CTNNA3: variants seen among roughly 807,000 people sequenced by gnomAD.
CTNNA3 encodes the protein catenin alpha-3.
A neutral mutation model predicts 95.7 loss-of-function variants in CTNNA3; 76 were observed. That is an observed-to-expected ratio of 0.79 (90% CI 0.66 to 0.96). The LOEUF (loss-of-function observed/expected upper bound fraction) is 0.96. Ranked by LOEUF, CTNNA3 falls within the 40% of genes least tolerant of loss-of-function variation. CTNNA3 has a pLI of 0.00. For synonymous variants in CTNNA3, 431 were observed against 374.4 expected (o/e 1.15, Z -1.74); for missense variants, 1,191 against 1,089.8 (o/e 1.09, Z -1.31).
intron 5 of CTNNA3, among the ~76,000 whole-genome samples, chr10:67,333,707 G>A (rs1841882928): frequency 6.6e-6 from 1 of 152,106 alleles, no homozygotes; most frequent in Non-Finnish European, 1.5e-5. Flanking sequence ...ACTAAAATCT[G>A]GGAACATCAG....
At chr10:67,558,255 C>T (rs1258335669) in intron 3 of CTNNA3, among the ~76,000 whole-genome samples, 3 of 152,126 alleles carry the variant, frequency 2.0e-5, no homozygotes, top group South Asian at 4.2e-4. Context: ...AAATATACTC[C>T]ACTAGAAAGG....
chr10:67,698,042 A>T (rs1475327185), upstream of CTNNA3, among the ~76,000 whole-genome samples: 3 of 152,202 alleles, frequency 2.0e-5, no homozygotes, highest in African/African-American at 7.2e-5. Context: ...CCTGTAAACT[A>T]CACAGCCCCT....
In CTNNA3 at chr10:67,180,365, G is replaced by A. The variant is rs146754105; in HGVS notation, c.999C>T (p.Asn333=). The change falls in exon 7 of 18, where the codon AAC becomes AAT. Residue 333 remains asparagine, a synonymous_variant. Coordinates refer to ENST00000433211, the MANE Select transcript of CTNNA3 (RefSeq NM_013266.4). ...LHRERIIAEC[N]AIRQALQDLL... ...GATCCTGAAGAGCCTGGCGAATGGC[G>A]TTGCATTCTGCGATAATCCGCTCTC... The A allele has an allele frequency of 2.8e-5, 45 of 1,613,628 alleles. No individual in the cohort carries two copies. Among genetic ancestry groups the A allele is most frequent in the East Asian group, 2.2e-4 (10 of 44,854 alleles).
At chr10:67,337,231 G>C (rs955852931) in intron 5 of CTNNA3, among the ~76,000 whole-genome samples, 1 of 152,096 alleles carries the variant, frequency 6.6e-6, no homozygotes, top group East Asian at 1.9e-4. Flanking sequence ...CAGGAGTTTG[G>C]AAGAAGTCAA....
At chr10:66,114,688 G>A (rs531468630) in intron 13 of CTNNA3, among the ~76,000 whole-genome samples, 17 of 151,664 alleles carry the variant, frequency 1.1e-4, no homozygotes, top group Non-Finnish European at 1.8e-4. Context: ...AGACCATCCT[G>A]GCCACCATGG....
intron 5 of CTNNA3, among the ~76,000 whole-genome samples, chr10:67,285,066 A>T (rs1006505151): frequency 2.0e-5 from 3 of 152,126 alleles, no homozygotes; most frequent in African/African-American, 7.2e-5. Context: ...CTCCAAATAG[A>T]TATTTACTCA....
intron 11 of CTNNA3, among the ~76,000 whole-genome samples, chr10:66,404,826 T>C (rs1199538185): frequency 2.0e-5 from 3 of 151,968 alleles, no homozygotes; most frequent in Admixed American, 6.6e-5. Context: ...GTGTATTTTA[T>C]GTGTGGCCCA....
intron 13 of CTNNA3, among the ~76,000 whole-genome samples, chr10:66,262,345 C>A (rs897495634): frequency 2.6e-5 from 4 of 151,950 alleles, no homozygotes; most frequent in Non-Finnish European, 2.9e-5. Flanking sequence ...TAAATCTAAA[C>A]CTTCAAATAA....
At chr10:66,036,385 C>T (rs1404711259) in intron 15 of CTNNA3, among the ~76,000 whole-genome samples, 1 of 151,940 alleles carries the variant, frequency 6.6e-6, no homozygotes, top group African/African-American at 2.4e-5. Flanking sequence ...TTTTTGTTTT[C>T]TTTTTGAGAT....
intron 9 of CTNNA3, among the ~76,000 whole-genome samples, chr10:66,678,309 C>A (rs71493986): frequency 0.023 from 3,523 of 152,182 alleles, 183 homozygotes; most frequent in East Asian, 0.22. Context: ...CCTTTACTAG[C>A]CTTTCCCCTA....
intron 13 of CTNNA3, among the ~76,000 whole-genome samples, chr10:66,279,309 T>C (rs944539054): frequency 1.3e-5 from 2 of 152,072 alleles, no homozygotes; most frequent in Non-Finnish European, 2.9e-5. Flanking sequence ...TCAGCACTTC[T>C]ATATCCATCT....
chr10:65,994,230 A>G (rs1224597033), intron 15 of CTNNA3, among the ~76,000 whole-genome samples: 1 of 152,154 alleles, frequency 6.6e-6, no homozygotes, highest in East Asian at 1.9e-4. Context: ...TATGTTTACC[A>G]GTAAGTTTTA....
intron 7 of CTNNA3, among the ~76,000 whole-genome samples, chr10:66,978,929 GT>G (rs1189149485): frequency 7.8e-6 from 1 of 127,678 alleles, no homozygotes; most frequent in Non-Finnish European, 1.7e-5. Flanking sequence ...CAAGTCCCTT[GT>G]TAAATAGCCA....
At chr10:66,644,310 A>T (rs11819427) in intron 9 of CTNNA3, among the ~76,000 whole-genome samples, 5 of 59,508 alleles carry the variant, frequency 8.4e-5, no homozygotes, top group Non-Finnish European at 1.3e-4. Flanking sequence ...CTCTCTCTAT[A>T]TATATATATA....
At chr10:67,703,083 T>C (rs552497117) in intron 1 of CTNNA3, among the ~76,000 whole-genome samples, 1 of 152,194 alleles carries the variant, frequency 6.6e-6, no homozygotes, top group South Asian at 2.1e-4. Context: ...CAGGAAGAAG[T>C]TGAATCTTTG....
At chr10:66,346,076 CAAA>C (rs746349432) in intron 12 of CTNNA3, among the ~76,000 whole-genome samples, 7 of 70,422 alleles carry the variant, frequency 9.9e-5, no homozygotes, top group Non-Finnish European at 1.4e-4. Context: ...GACTCCATCT[CAAA>C]AAAAAAAAAA....
chr10:66,830,603 C>CTTT (rs111968297), intron 7 of CTNNA3, among the ~76,000 whole-genome samples: 1,924 of 147,700 alleles, frequency 0.013, 25 homozygotes, highest in South Asian at 0.07. Context: ...ACTAATTTCT[C>CTTT]TTTTTTTTTT....
At chr10:66,343,689 A>G (rs1250892121) in intron 12 of CTNNA3, among the ~76,000 whole-genome samples, 1 of 152,048 alleles carries the variant, frequency 6.6e-6, no homozygotes, top group East Asian at 1.9e-4. Context: ...CTAGTTAACA[A>G]TAATATATAG....
intron 7 of CTNNA3, among the ~76,000 whole-genome samples, chr10:67,121,956 C>T (rs371403300): frequency 1.2e-4 from 16 of 135,784 alleles, no homozygotes; most frequent in South Asian, 2.4e-4. Context: ...TTGTGTAGCA[C>T]GCTCTTAGCC....
Sources: gnomAD v4.1 joint callset for allele counts (sites outside exome capture counted in the v4.1 genomes callset) on GRCh38, gnomAD v4.1.1 for gene constraint, MANE v1.5 for transcripts, NCBI Gene and HGNC (gene_info 2026-07-23, HGNC 2026-07-21) for gene names.